Variants in EBF3 observed in about 807,000 individuals in gnomAD.
EBF3 encodes EBF transcription factor 3, also known as transcription factor COE3.
In EBF3, 18 loss-of-function variants were observed where a neutral mutation model predicts 77.1. The observed-to-expected ratio is 0.23, with a 90% CI of 0.16 to 0.35. The LOEUF (loss-of-function observed/expected upper bound fraction) is 0.35. Among genes scored for constraint, EBF3 ranks in the 10% least tolerant of loss-of-function variants. The pLI is 1.00. For synonymous variants in EBF3, 350 were observed against 343.5 expected, an observed-to-expected ratio of 1.02 and a Z score of -0.21; for missense variants, 558 against 860.0, an observed-to-expected ratio of 0.65 and a Z score of 4.39.
At position 129,843,176 on chromosome 10, in the gene EBF3, G is replaced by A; in HGVS notation, c.1155C>T (p.Asp385=). 6.2e-7 allele frequency: 1 copy of A among 1,613,508 alleles called. No homozygotes were observed. ...GCATTCCGTATAAGGCTTCCACCAG[G>A]TCCGCCGCCCGCTTCAGTAACACCT... The part of the protein sequence containing the change: ...PKEVLLKRAA[D]LVEALYGMPH... Residue 385 remains aspartate (D), a synonymous_variant, in exon 12 of 17, where the codon GAC becomes GAT. Transcript: ENST00000440978.
chr10:129,963,584 C>CG lies in EBF3; in HGVS notation c.134+50dup. On this transcript the variant is annotated intron_variant, in intron 1 of 16. Transcript: ENST00000440978. This position sits in a 1 kb window ranked among gnomAD's most constrained non-coding sequence, Gnocchi z 7.1. Reference sequence around the variant, plus strand: ...CGCGGCGCCGGCCGGCGGAGGGGGCCGGGCCGGGCCGGGGCCGGGGCCAGG... The same window carrying CG: ...CGCGGCGCCGGCCGGCGGAGGGGGCCGGGGCCGGGCCGGGGCCGGGGCCAGG... The CG allele has an allele frequency of 8.9e-6, 11 of 1,235,658 alleles. No homozygotes were observed. Among genetic ancestry groups the CG allele is most frequent in the Non-Finnish European group, 1.1e-5 (11 of 982,540 alleles). The allele number at this position is 1,235,658 out of a possible 1,614,324, so 76.5% of individuals were successfully genotyped here.
chr10:129,857,298 G>C (rs1017087098), intron 10 of EBF3, among the ~76,000 whole-genome samples: 1 of 152,090 alleles, frequency 6.6e-6, no homozygotes, highest in African/African-American at 2.4e-5. Flanking sequence ...TCCACATAGG[G>C]GTTCCCAAAT....
At position 129,963,276 on chromosome 10, in the gene EBF3, G is replaced by T; in HGVS notation, c.291+91C>A. ...GTGGCCTGGCGGAGCCGAGCCCGCCGCCTAGGGGGGCACTCGAACCCCCGC... is the reference window on the plus strand; with the variant it reads ...GTGGCCTGGCGGAGCCGAGCCCGCCTCCTAGGGGGGCACTCGAACCCCCGC... On this transcript the variant is annotated intron_variant, in intron 2 of 16. Transcript: ENST00000440978. The surrounding 1 kb of genome is among the most constrained non-coding windows in gnomAD (Gnocchi z 7.1). 6.6e-6 allele frequency: 10 copies of T among 1,526,036 alleles called. No individual in the cohort carries two copies. The highest frequency in any genetic ancestry group is 8.8e-6 in the Non-Finnish European group (10 of 1,137,996). The allele number at this position is 1,526,036 out of a possible 1,614,324, so 94.5% of individuals were successfully genotyped here.
At chr10:129,905,596 C>T (rs1214631228) in intron 6 of EBF3, among the ~76,000 whole-genome samples, 2 of 152,148 alleles carry the variant, frequency 1.3e-5, no homozygotes, top group African/African-American at 2.4e-5. Flanking sequence ...GGCCTCCCCA[C>T]TCCATGAAGA....
rs1393287682 is a variant in EBF3, at chr10:129,864,515, G to A, written c.1039+2626C>T. 1.3e-5 allele frequency among the ~76,000 whole-genome samples: 2 copies of A among 152,190 alleles called. No individual in the cohort carries two copies. The highest frequency in any genetic ancestry group is 2.9e-5 in the Non-Finnish European group (2 of 68,044). On this transcript the variant is annotated intron_variant, in intron 10 of 16. Transcript: ENST00000440978. The surrounding 1 kb of genome is among the most constrained non-coding windows in gnomAD (Gnocchi z 4.4). ...AAAAGTCTCATTTCTAACAATAGCT[G>A]TGCAGACTTCCCCACCAAAAAGCCC...
At chr10:129,895,022 G>A (rs1008779302) in intron 6 of EBF3, among the ~76,000 whole-genome samples, 2 of 152,188 alleles carry the variant, frequency 1.3e-5, no homozygotes, top group African/African-American at 4.8e-5. Flanking sequence ...CCTGCAGGAC[G>A]GGTAAAGCCA....
intron 6 of EBF3, among the ~76,000 whole-genome samples, chr10:129,917,348 G>A (rs990139489): frequency 3.3e-4 from 50 of 152,194 alleles, no homozygotes; most frequent in East Asian, 1.9e-3. Flanking sequence ...CAGCCTGAGC[G>A]ACAGGGCGAG....
At position 129,911,608 on chromosome 10, in the gene EBF3, C is replaced by G. The variant is rs538861407; in HGVS notation, c.555-33759G>C. On this transcript the variant is annotated intron_variant, in intron 6 of 16. Coordinates refer to ENST00000440978, the MANE Select transcript of EBF3 (RefSeq NM_001375380.1). ...GCTGCTCCAGCCTCCTTGGTGGGCA[C>G]GGGATGGGAAGAGGGGTGAGGAGGG... is the stretch of plus-strand genomic sequence containing the variant. Among the ~76,000 whole-genome samples, 4 of 152,240 alleles carry G rather than the reference C, an allele frequency of 2.6e-5. No homozygotes were observed. In the East Asian group the frequency reaches 5.8e-4, roughly 22 times the overall value.
rs1374882365 is a variant in EBF3 at position 129,943,042 on chromosome 10, T to C, written c.554+14216A>G. On this transcript the variant is annotated intron_variant, in intron 6 of 16. Transcript: ENST00000440978. This position sits in a 1 kb window ranked among gnomAD's most constrained non-coding sequence, Gnocchi z 8.8. ...TGGATTCTAAGAGGAAGGTAGCAGA[T>C]ACAACCGATTCCTGTCCTCCATTCT... Among the ~76,000 whole-genome samples the C allele has an allele frequency of 2.6e-5, 4 of 152,332 alleles. No individual in the cohort carries two copies. Among genetic ancestry groups the C allele is most frequent in the African/African-American group, 9.6e-5 (4 of 41,580 alleles).
chr10:129,917,650 T>TAAAAAAAAA (rs1258587841), intron 6 of EBF3, among the ~76,000 whole-genome samples: 1 of 2,474 alleles, frequency 4.0e-4, no homozygotes, highest in Admixed American at 7.9e-3. Flanking sequence ...AGACCCTGCC[T>TAAAAAAAAA]CAAAAAAAAA....
At position 129,963,236 on chromosome 10, in the gene EBF3, C is replaced by G; in HGVS notation, c.291+131G>C. 7.5e-7 allele frequency: 1 copy of G among 1,328,172 alleles called. No individual in the cohort carries two copies. Among genetic ancestry groups the G allele is most frequent in the Non-Finnish European group, 9.9e-7 (1 of 1,014,064 alleles). The allele number at this position is 1,328,172 out of a possible 1,614,324, so 82.3% of individuals were successfully genotyped here. On this transcript the variant is annotated intron_variant, in intron 2 of 16. Coordinates refer to ENST00000440978, the MANE Select transcript of EBF3 (RefSeq NM_001375380.1). This position sits in a 1 kb window ranked among gnomAD's most constrained non-coding sequence, Gnocchi z 7.1. Reference sequence around the variant, plus strand: ...CCCTCGGCGGTCCCGGGCGGCCGCACGTGGCGGCGGCGGGGTGGCCTGGCG... The same window carrying G: ...CCCTCGGCGGTCCCGGGCGGCCGCAGGTGGCGGCGGCGGGGTGGCCTGGCG...
chr10:129,868,925 C>T (rs778658304), intron 8 of EBF3, among the ~76,000 whole-genome samples: 1 of 152,250 alleles, frequency 6.6e-6, no homozygotes, highest in African/African-American at 2.4e-5. Context: ...ACCTGCAGGG[C>T]TTCCGCAGCC....
At chr10:129,913,221 A>C (rs1296640493) in intron 6 of EBF3, among the ~76,000 whole-genome samples, 1 of 152,234 alleles carries the variant, frequency 6.6e-6, no homozygotes, top group Non-Finnish European at 1.5e-5. Flanking sequence ...CAAGCATGCA[A>C]AGAAAACAGC....
At chr10:129,916,971 G>A (rs932524158) in intron 6 of EBF3, among the ~76,000 whole-genome samples, 2 of 152,226 alleles carry the variant, frequency 1.3e-5, no homozygotes, top group Non-Finnish European at 1.5e-5. Flanking sequence ...AGCAGGAAAA[G>A]AAATCTAGAA....
At chr10:129,908,373 C>CA (rs2134278270) in intron 6 of EBF3, among the ~76,000 whole-genome samples, 1 of 152,222 alleles carries the variant, frequency 6.6e-6, no homozygotes, top group East Asian at 1.9e-4. Flanking sequence ...TTTAACACTT[C>CA]ACAGCTAGTT....
chr10:129,930,801 A>G (rs1345381204), intron 6 of EBF3, among the ~76,000 whole-genome samples: 2 of 147,050 alleles, frequency 1.4e-5, no homozygotes, highest in Non-Finnish European at 3.0e-5. Flanking sequence ...ATCTATCTCT[A>G]TATTAACAAA....
chr10:129,959,277 G>A (rs538377158), intron 4 of EBF3, among the ~76,000 whole-genome samples: 1,760 of 152,128 alleles, frequency 0.012, 39 homozygotes, highest in African/African-American at 0.04. Context: ...GGCGCCGACT[G>A]GGCTCGGGCC....
intron 6 of EBF3, among the ~76,000 whole-genome samples, chr10:129,954,449 G>A (rs1024070726): frequency 3.5e-5 from 5 of 142,168 alleles, no homozygotes; most frequent in Non-Finnish European, 7.6e-5. Context: ...GGGTCTTCAT[G>A]CCATTCATAA....
intron 10 of EBF3, among the ~76,000 whole-genome samples, chr10:129,852,673 C>G (rs1373206692): frequency 6.6e-6 from 1 of 152,140 alleles, no homozygotes; most frequent in Non-Finnish European, 1.5e-5. Flanking sequence ...TTAAATTAAG[C>G]AAGGGGACAC....
Sources: allele counts gnomAD v4.1 joint callset (sites outside exome capture counted in the v4.1 genomes callset), GRCh38; gene constraint gnomAD v4.1.1; non-coding constraint Gnocchi (gnomAD v3.1); transcripts MANE v1.5; gene names NCBI Gene and HGNC (gene_info 2026-07-23, HGNC 2026-07-21).